The following TEX36 variants were observed in gnomAD, a reference collection of about 807,000 sequenced individuals.
TEX36 encodes testis expressed 36, also known as testis-expressed protein 36.
TEX36 carries 12 observed loss-of-function variants against 13.6 expected under a neutral mutation model. The observed-to-expected ratio is 0.88, with a 90% CI of 0.56 to 1.43. The LOEUF (loss-of-function observed/expected upper bound fraction) is 1.43. Among genes scored for constraint, TEX36 ranks in the 40% most tolerant of loss-of-function variants. The pLI, the probability that TEX36 is intolerant of heterozygous loss-of-function variation, is 0.00. For missense variants in TEX36, 224 were observed against 228.3 expected (o/e 0.98, Z 0.12); for synonymous variants, 93 against 83.0 (o/e 1.12, Z -0.65).
intron 3 of TEX36, among the ~76,000 whole-genome samples, chr10:125,615,680 T>C (rs1356057721): frequency 2.7e-5 from 4 of 150,844 alleles, no homozygotes; most frequent in Non-Finnish European, 5.9e-5. Flanking sequence ...CTGGATTCGT[T>C]TTGCCAGTAT....
chr10:125,653,757 C>A (rs1846901109), downstream of TEX36, among the ~76,000 whole-genome samples: 1 of 152,154 alleles, frequency 6.6e-6, no homozygotes, highest in African/African-American at 2.4e-5. Flanking sequence ...CACAGGAGGA[C>A]CTCTTGAGGC....
At chr10:125,613,329 T>C (rs1846314871) in intron 3 of TEX36, among the ~76,000 whole-genome samples, 1 of 149,432 alleles carries the variant, frequency 6.7e-6, no homozygotes, top group Non-Finnish European at 1.5e-5. Flanking sequence ...GTGCACCATG[T>C]GCAGGTTAGT....
chr10:125,603,000 G>C (rs2090196230), intron 3 of TEX36, among the ~76,000 whole-genome samples: 1 of 152,182 alleles, frequency 6.6e-6, no homozygotes, highest in Non-Finnish European at 1.5e-5. Context: ...GTTCCACCCA[G>C]CTGGACCCCG....
chr10:125,637,504 G>T (rs147133607), intron 3 of TEX36, among the ~76,000 whole-genome samples: 52 of 152,218 alleles, frequency 3.4e-4, no homozygotes, highest in African/African-American at 1.2e-3. Context: ...GTCCAGGTCA[G>T]TTTCACATCT....
chr10:125,657,201 G>T (rs1202844441), intron 3 of TEX36, among the ~76,000 whole-genome samples: 1 of 152,176 alleles, frequency 6.6e-6, no homozygotes, highest in Non-Finnish European at 1.5e-5. Flanking sequence ...GTGATGAAGG[G>T]TCAGTGTCAG....
intron 3 of TEX36, among the ~76,000 whole-genome samples, chr10:125,660,422 G>C (rs1274056834): frequency 6.6e-6 from 1 of 152,164 alleles, no homozygotes; most frequent in Non-Finnish European, 1.5e-5. Context: ...ACTGCTCCCA[G>C]CCAATAGAAT....
chr10:125,682,062 T>C (rs1847404036), intron 1 of TEX36, among the ~76,000 whole-genome samples: 1 of 152,266 alleles, frequency 6.6e-6, no homozygotes, highest in African/African-American at 2.4e-5. Context: ...CGTCAGGTTT[T>C]TCTCTGATTA....
intron 1 of TEX36, among the ~76,000 whole-genome samples, chr10:125,665,857 G>A (rs1263333650): frequency 6.6e-6 from 1 of 152,086 alleles, no homozygotes; most frequent in East Asian, 1.9e-4. Flanking sequence ...CCATTTGTTT[G>A]TGTCATCTTT....
In TEX36 at chr10:125,624,962, G is replaced by A. The variant is rs757963523; in HGVS notation, c.265-3317C>T. On this transcript the variant is annotated intron_variant, in intron 3 of 3. Coordinates refer to the TEX36 transcript ENST00000526819. ...GAGCCAAAACTGCAGAGGAGGCCAG[G>A]GTGACCTTGGCCTCTGGAGAACAAA... Among the ~76,000 whole-genome samples the A allele has an allele frequency of 1.3e-5, 2 of 152,260 alleles. 1 individual carries two copies.
downstream of TEX36, among the ~76,000 whole-genome samples, chr10:125,616,815 G>A (rs1363065816): frequency 5.0e-5 from 7 of 140,982 alleles, no homozygotes; most frequent in South Asian, 7.7e-4. Flanking sequence ...TTGGTGCAGA[G>A]CTGAGTTCAA....
At chr10:125,666,467 T>C (rs1847123258) in intron 1 of TEX36, among the ~76,000 whole-genome samples, 1 of 152,196 alleles carries the variant, frequency 6.6e-6, no homozygotes, top group Admixed American at 6.5e-5. Flanking sequence ...ATATGGTTTT[T>C]GTCCTTCATT....
chr10:125,659,339 T>C (rs913012444), intron 3 of TEX36, among the ~76,000 whole-genome samples: 2 of 152,244 alleles, frequency 1.3e-5, no homozygotes, highest in Non-Finnish European at 2.9e-5. Flanking sequence ...TTAACAAATA[T>C]ACATTTATGT....
chr10:125,576,793 G>T (rs1488873573), exon 4 of TEX36: 1 of 1,535,900 alleles, frequency 6.5e-7, no homozygotes, highest in African/African-American at 1.4e-5. Flanking sequence ...CCTGGATGAG[G>T]AATGGACTGG....
At chr10:125,633,518 G>A (rs60758828) in intron 3 of TEX36, among the ~76,000 whole-genome samples, 9,200 of 152,198 alleles carry the variant, frequency 0.06, 858 homozygotes, top group African/African-American at 0.2. Flanking sequence ...AGAAAACAGA[G>A]GGAAAACGAT....
chr10:125,590,859 A>G (rs1366279879), intron 3 of TEX36, among the ~76,000 whole-genome samples: 1 of 152,234 alleles, frequency 6.6e-6, no homozygotes, highest in African/African-American at 2.4e-5. Flanking sequence ...ATTGATATAT[A>G]TACATATTAT....
At chr10:125,652,954 T>C (rs1374074796), downstream of TEX36, among the ~76,000 whole-genome samples, 1 of 152,124 alleles carries the variant, frequency 6.6e-6, no homozygotes, top group Non-Finnish European at 1.5e-5. Flanking sequence ...CTCACACCAG[T>C]TAAAATGGCG....
At position 125,632,074 on chromosome 10, in the gene TEX36, G is replaced by A. The variant is rs557599993; in HGVS notation, c.265-10429C>T. ...GTGGGAGTGGGAAGAAGGAAATGAC[G>A]AAAGAGACTGTCCTCAGGCTGAATG... On this transcript the variant is annotated intron_variant, in intron 3 of 3. Transcript: ENST00000526819. 3.0e-4 allele frequency among the ~76,000 whole-genome samples: 46 copies of A among 152,248 alleles called. 1 individual carries two copies. The highest frequency in any genetic ancestry group is 6.2e-4 in the South Asian group (3 of 4,816).
At chr10:125,586,532 G>A (rs1386569768) in intron 3 of TEX36, among the ~76,000 whole-genome samples, 17 of 150,072 alleles carry the variant, frequency 1.1e-4, no homozygotes, top group East Asian at 3.9e-4. Context: ...GCTCTTGCCC[G>A]TACTTCCAGC....
intron 1 of TEX36, among the ~76,000 whole-genome samples, chr10:125,682,544 G>T (rs1247299470): frequency 6.6e-6 from 1 of 152,170 alleles, no homozygotes; most frequent in Admixed American, 6.5e-5. Flanking sequence ...AGGCACTGGG[G>T]ATACATCAGT....
Sources: gnomAD v4.1 joint callset for allele counts (sites outside exome capture counted in the v4.1 genomes callset) on GRCh38, gnomAD v4.1.1 for gene constraint, MANE v1.5 for transcripts, NCBI Gene and HGNC (gene_info 2026-07-23, HGNC 2026-07-21) for gene names.